Variants in GALNT10 observed in about 807,000 individuals in gnomAD.
GALNT10 encodes the protein polypeptide N-acetylgalactosaminyltransferase 10.
GALNT10 carries 41 observed loss-of-function variants against 75.0 expected under a neutral mutation model. The observed-to-expected ratio is 0.55, with a 90% CI of 0.43 to 0.71. GALNT10 has a LOEUF of 0.71. Ranked by LOEUF, GALNT10 falls within the 30% of genes least tolerant of loss-of-function variation. The probability of loss-of-function intolerance (pLI) is 0.00; values close to 1 mark genes in which losing one functional copy is unlikely to be tolerated. For synonymous variants in GALNT10, 302 were observed against 313.0 expected (o/e 0.96, Z 0.37); for missense variants, 727 against 818.5 (o/e 0.89, Z 1.36).
intron 2 of GALNT10, 124 bp from the exon 3 acceptor site, chr5:154,297,817 T>G (rs529838996): frequency 1.2e-6 from 1 of 845,696 alleles, no homozygotes; most frequent in South Asian, 1.7e-5. Context: ...AAAACTGAGC[T>G]ATGCTCTATA....
intron 1 of GALNT10, among the ~76,000 whole-genome samples, chr5:154,238,521 CCTT>C (rs1456003456): frequency 3.3e-5 from 5 of 152,166 alleles, no homozygotes. Context: ...TGCATCTTCT[CCTT>C]CTCCCCCTGC....
chr5:154,416,821 C>T lies in GALNT10; in HGVS notation c.1661C>T (p.Thr554Ile). 1 of 1,612,726 alleles carries T rather than the reference C, an allele frequency of 6.2e-7. No homozygotes were observed. The highest frequency in any genetic ancestry group is 8.5e-7 in the Non-Finnish European group (1 of 1,178,716). ...TACCTCCATGTTTTGTAGGACAAGA[C>T]CCTGTACCACCCTGTCAGTGGCAGC... ...NQLWKYRKDK[T>I]LYHPVSGSCM... is the part of the protein sequence containing the mutation. Residue 554 changes from threonine to isoleucine, a missense_variant, in exon 12 of 12, where the codon ACC becomes ATC. By Grantham distance (89) the Thr-to-Ile change is moderately conservative. Transcript: ENST00000297107. The surrounding 1 kb of genome is among the most constrained non-coding windows in gnomAD (Gnocchi z 4.5).
At chr5:154,225,967 A>G (rs936471028) in intron 1 of GALNT10, among the ~76,000 whole-genome samples, 5 of 151,148 alleles carry the variant, frequency 3.3e-5, no homozygotes, top group Admixed American at 3.3e-4. Context: ...GGAACATCAC[A>G]CACCGGGGCC....
chr5:154,263,429 G>A (rs1241836174), intron 1 of GALNT10, among the ~76,000 whole-genome samples: 1 of 152,122 alleles, frequency 6.6e-6, no homozygotes, highest in South Asian at 2.1e-4. Flanking sequence ...CCATTTATAC[G>A]GAATATCCAG....
chr5:154,206,131 T>TA (rs1467318296), intron 1 of GALNT10, among the ~76,000 whole-genome samples: 1 of 152,226 alleles, frequency 6.6e-6, no homozygotes, highest in Non-Finnish European at 1.5e-5. Flanking sequence ...TCTAGCTACT[T>TA]ACATTTCTTT....
In GALNT10 at chr5:154,190,770, G is replaced by T; in HGVS notation, c.-97G>T. The T allele has an allele frequency of 2.1e-6, 1 of 479,572 alleles. No homozygotes were observed. The highest frequency in any genetic ancestry group is 2.7e-6 in the Non-Finnish European group (1 of 370,078). 29.7% of individuals were successfully genotyped at this position (479,572 alleles called of 1,614,324 possible). On this transcript the variant is annotated 5_prime_UTR_variant, in exon 1 of 12. Coordinates refer to ENST00000297107, the MANE Select transcript of GALNT10 (RefSeq NM_198321.4). Reference sequence around the variant, plus strand: ...GGCCGGCGCCGCAGCCGCTTCTGCTGGCTGAGCTGCTGCCGCCGCCGGGCG... The same window carrying T: ...GGCCGGCGCCGCAGCCGCTTCTGCTTGCTGAGCTGCTGCCGCCGCCGGGCG...
In GALNT10 at chr5:154,409,314, A is replaced by G; in HGVS notation, c.1165-227A>G. 1.7e-6 allele frequency: 1 copy of G among 575,616 alleles called. No individual in the cohort carries two copies. The highest frequency in any genetic ancestry group is 3.1e-6 in the Non-Finnish European group (1 of 321,442). 35.7% of individuals were successfully genotyped at this position (575,616 alleles called of 1,614,324 possible). On this transcript the variant is annotated intron_variant, in intron 8 of 11. Coordinates refer to ENST00000297107, the MANE Select transcript of GALNT10 (RefSeq NM_198321.4). The surrounding 1 kb of genome is among the most constrained non-coding windows in gnomAD (Gnocchi z 4.5). ...GAAGAAGATGGGATGGAAGATGGGC[A>G]GGCAAAACAACAGCAGCCTATGGGC...
chr5:154,196,791 T>C (rs1356820018), intron 1 of GALNT10, among the ~76,000 whole-genome samples: 1 of 152,194 alleles, frequency 6.6e-6, no homozygotes, highest in African/African-American at 2.4e-5. Context: ...GCTGTATTGA[T>C]TGACTTAACG....
chr5:154,234,798 T>C (rs1314038001), intron 1 of GALNT10, among the ~76,000 whole-genome samples: 1 of 152,196 alleles, frequency 6.6e-6, no homozygotes, highest in Non-Finnish European at 1.5e-5. Context: ...AGGCAGAATA[T>C]GGCACAAGCT....
rs763537693 is a variant in GALNT10 at position 154,219,834 on chromosome 5, T to TCACACACACACACACACACACA, written c.159+28810_159+28811insACACACACACACACACACACAC. ...CGCGCTCTCTCTCTCTCTCTCTCTC[T>TCACACACACACACACACACACA]CTCTCACACACACACACACACACAC... On this transcript the variant is annotated intron_variant, in intron 1 of 11. Coordinates refer to ENST00000297107, the MANE Select transcript of GALNT10 (RefSeq NM_198321.4). Among the ~76,000 whole-genome samples, 663 of 129,612 alleles carry TCACACACACACACACACACACA rather than the reference T, an allele frequency of 5.1e-3. 5 individuals carry two copies. Among genetic ancestry groups the TCACACACACACACACACACACA allele is most frequent in the East Asian group, 0.012 (44 of 3,758 alleles). The allele number at this position is 129,612 out of a possible 152,430, so 85.0% of individuals were successfully genotyped here.
intron 7 of GALNT10, among the ~76,000 whole-genome samples, chr5:154,396,516 T>C (rs1024899986): frequency 2.6e-5 from 4 of 151,736 alleles, no homozygotes; most frequent in African/African-American, 9.7e-5. Context: ...ACACAGTCTC[T>C]GTGGAACTCT....
intron 1 of GALNT10, among the ~76,000 whole-genome samples, chr5:154,208,803 T>C (rs1305031289): frequency 6.6e-6 from 1 of 152,192 alleles, no homozygotes; most frequent in Non-Finnish European, 1.5e-5. Context: ...AAATTGGCTA[T>C]TAAGAAGTGA....
rs77134847 is a variant in GALNT10 at position 154,402,016 on chromosome 5, C to T, written c.1057-2088C>T. Among the ~76,000 whole-genome samples, 1,364 of 152,222 alleles carry T rather than the reference C, an allele frequency of 9.0e-3. 19 individuals are homozygous for T. Among genetic ancestry groups the T allele is most frequent in the African/African-American group, 0.029 (1,189 of 41,530 alleles). Reference sequence around the variant, plus strand: ...CAGCACCCCTCACCCAGGGTCAGGACGGTCTCATATCAGGACGACTGCAAG... The same window carrying T: ...CAGCACCCCTCACCCAGGGTCAGGATGGTCTCATATCAGGACGACTGCAAG... On this transcript the variant is annotated intron_variant, in intron 7 of 11. Transcript: ENST00000297107. The surrounding 1 kb of genome is among the most constrained non-coding windows in gnomAD (Gnocchi z 4.2).
chr5:154,264,611 T>C (rs1291362118), intron 1 of GALNT10, among the ~76,000 whole-genome samples: 1 of 152,162 alleles, frequency 6.6e-6, no homozygotes, highest in Admixed American at 6.5e-5. Context: ...TTTTTACTCT[T>C]TTTAAAACTT....
intron 1 of GALNT10, among the ~76,000 whole-genome samples, chr5:154,261,160 A>G (rs1161275634): frequency 6.6e-6 from 1 of 152,216 alleles, no homozygotes; most frequent in African/African-American, 2.4e-5. Context: ...TGTTAATTTC[A>G]TTTTAGGAGA....
rs1380411516 is a variant in GALNT10 at position 154,416,333 on chromosome 5, C to T, written c.1653+401C>T. On this transcript the variant is annotated intron_variant, in intron 11 of 11. Transcript: ENST00000297107. This position sits in a 1 kb window ranked among gnomAD's most constrained non-coding sequence, Gnocchi z 4.5. ...CTGTACTCCCAGCTACTCGGGAGGC[C>T]GAGGCAGGAGAAGCACTTGAACCTG... 2.0e-5 allele frequency among the ~76,000 whole-genome samples: 3 copies of T among 151,608 alleles called. No individual in the cohort carries two copies. Among genetic ancestry groups the T allele is most frequent in the African/African-American group, 7.3e-5 (3 of 41,226 alleles).
At chr5:154,335,589 T>G (rs1401864795) in intron 4 of GALNT10, among the ~76,000 whole-genome samples, 1 of 152,194 alleles carries the variant, frequency 6.6e-6, no homozygotes, top group Non-Finnish European at 1.5e-5. Context: ...CCTTATCACT[T>G]GGAGGCAATT....
intron 1 of GALNT10, among the ~76,000 whole-genome samples, chr5:154,200,315 G>T (rs940249101): frequency 6.6e-6 from 1 of 152,170 alleles, no homozygotes; most frequent in Non-Finnish European, 1.5e-5. Flanking sequence ...GTGTGTGTTT[G>T]TGTAGGTCTC....
chr5:154,249,881 C>T (rs901108642), intron 1 of GALNT10, among the ~76,000 whole-genome samples: 6 of 152,176 alleles, frequency 3.9e-5, no homozygotes, highest in African/African-American at 1.4e-4. Flanking sequence ...CCTCCTTGGC[C>T]TTCAGGGGCA....
Sources: allele counts gnomAD v4.1 joint callset (sites outside exome capture counted in the v4.1 genomes callset), GRCh38; gene constraint gnomAD v4.1.1; non-coding constraint Gnocchi (gnomAD v3.1); transcripts MANE v1.5; gene names NCBI Gene and HGNC (gene_info 2026-07-23, HGNC 2026-07-21).